CUX2: variants seen among roughly 807,000 people sequenced by gnomAD.
CUX2 encodes the protein homeobox protein cut-like 2.
In CUX2, 40 loss-of-function variants were observed where a neutral mutation model predicts 144.8. That is an observed-to-expected ratio of 0.28 (90% CI 0.21 to 0.36). The LOEUF is 0.36. Among genes scored for constraint, CUX2 ranks in the 10% least tolerant of loss-of-function variants. CUX2 has a pLI of 1.00. For synonymous variants in CUX2, 827 were observed against 875.6 expected (o/e 0.94, Z 0.98); for missense variants, 1,615 against 1,994.0 (o/e 0.81, Z 3.62).
chr12:111,206,324 CCTGT>C (rs1880917673), intron 1 of CUX2, among the ~76,000 whole-genome samples: 2 of 152,182 alleles, frequency 1.3e-5, no homozygotes, highest in South Asian at 4.1e-4. Context: ...AAAGCAAAAC[CCTGT>C]CTAAGAAAAA....
Position 111,034,671 on chromosome 12 carries a change from C to G in CUX2, c.63+431C>G, listed in dbSNP as rs552226008. On this transcript the variant is annotated intron_variant, in intron 1 of 21. Transcript: ENST00000261726. This position sits in a 1 kb window ranked among gnomAD's most constrained non-coding sequence, Gnocchi z 4.2. ...AGCGCGCCGCTTGCCAGTCCGCACC[C>G]GGCTGGGGCTCCGGCGAGGGAGGGA... 8.6e-5 allele frequency among the ~76,000 whole-genome samples: 13 copies of G among 151,548 alleles called. No homozygotes were observed. Among genetic ancestry groups the G allele is most frequent in the African/African-American group, 2.2e-4 (9 of 41,432 alleles).
At chr12:111,124,193 A>G (rs74903761) in intron 1 of CUX2, among the ~76,000 whole-genome samples, 5,665 of 152,250 alleles carry the variant, frequency 0.037, 361 homozygotes, top group African/African-American at 0.13. Flanking sequence ...TTGAAAATCG[A>G]TGGATGAAAG....
chr12:111,308,700 C>T (rs550174740), intron 14 of CUX2, among the ~76,000 whole-genome samples, 174 bp downstream of exon 14: 18 of 152,324 alleles, frequency 1.2e-4, no homozygotes, highest in Admixed American at 7.8e-4. Context: ...CATCCACAAA[C>T]ACCCACGTCA....
chr12:111,125,659 G>A (rs781724978), intron 1 of CUX2, among the ~76,000 whole-genome samples: 15 of 152,168 alleles, frequency 9.9e-5, no homozygotes, highest in Non-Finnish European at 2.2e-4. Context: ...CTAGGAATGT[G>A]GCTTGTTTTT....
At position 111,190,670 on chromosome 12, in the gene CUX2, G is replaced by C. The variant is rs1158825199; in HGVS notation, c.64-23530G>C. Among the ~76,000 whole-genome samples the C allele has an allele frequency of 1.3e-5, 2 of 152,202 alleles. No homozygotes were observed. The highest frequency in any genetic ancestry group is 2.9e-5 in the Non-Finnish European group (2 of 68,044). Reference sequence around the variant, plus strand: ...GTGGCCTAACAGAGACACACCTGAAGGTGGTTGGTCCCAGATGCGAGGAGC... The same window carrying C: ...GTGGCCTAACAGAGACACACCTGAACGTGGTTGGTCCCAGATGCGAGGAGC... On this transcript the variant is annotated intron_variant, in intron 1 of 21. Coordinates refer to ENST00000261726, the MANE Select transcript of CUX2 (RefSeq NM_015267.4). This position sits in a 1 kb window ranked among gnomAD's most constrained non-coding sequence, Gnocchi z 4.0.
chr12:111,168,980 T>C (rs1380394807), intron 1 of CUX2, among the ~76,000 whole-genome samples: 1 of 149,910 alleles, frequency 6.7e-6, no homozygotes, highest in East Asian at 2.0e-4. Flanking sequence ...TCACTACCCC[T>C]CCATCTCACC....
At chr12:111,249,692 G>C (rs774196509) in intron 3 of CUX2, among the ~76,000 whole-genome samples, 1 of 151,932 alleles carries the variant, frequency 6.6e-6, no homozygotes, top group Non-Finnish European at 1.5e-5. Context: ...CCTGACCTCA[G>C]GTGATCAGCC....
At chr12:111,185,324 T>C (rs1050518094) in intron 1 of CUX2, among the ~76,000 whole-genome samples, 4 of 152,198 alleles carry the variant, frequency 2.6e-5, no homozygotes, top group African/African-American at 9.6e-5. Context: ...AAAGAGAACC[T>C]GGATTCTTGA....
intron 9 of CUX2, among the ~76,000 whole-genome samples, chr12:111,301,038 CAAAAA>C (rs3061127): frequency 5.6e-5 from 6 of 106,546 alleles, no homozygotes; most frequent in African/African-American, 9.1e-5. Context: ...GACCCTATCT[CAAAAA>C]AAAAAAAAAA....
At chr12:111,181,330 G>A (rs1328387266) in intron 1 of CUX2, among the ~76,000 whole-genome samples, 2 of 152,254 alleles carry the variant, frequency 1.3e-5, no homozygotes, top group Non-Finnish European at 2.9e-5. Flanking sequence ...AGCAGCTGGC[G>A]GGAAGCCAAG....
rs1239347097 is a variant in CUX2, at chr12:111,320,596, G to A, written c.2587G>A (p.Ala863Thr). 3.3e-6 allele frequency: 5 copies of A among 1,533,030 alleles called. No individual in the cohort carries two copies. The highest frequency in any genetic ancestry group is 1.4e-5 in the African/African-American group (1 of 71,368). The allele number at this position is 1,533,030 out of a possible 1,614,324, so 95.0% of individuals were successfully genotyped here. ...TGAGGGCGCGACGGCCGAGGCGGGC[G>A]CGCGGCTGCCCTACTACCCGGCCTA... ...KAEGATAEAG[A>T]RLPYYPAYVP... The change falls in exon 17 of 22, where the codon GCG (alanine) becomes ACG (threonine). Residue 863 changes from alanine to threonine, a missense_variant. Coordinates refer to ENST00000261726, the MANE Select transcript of CUX2 (RefSeq NM_015267.4). This position sits in a 1 kb window ranked among gnomAD's most constrained non-coding sequence, Gnocchi z 8.1.
intron 1 of CUX2, among the ~76,000 whole-genome samples, chr12:111,091,422 C>A (rs1394790777): frequency 3.9e-5 from 6 of 152,162 alleles, no homozygotes; most frequent in African/African-American, 1.2e-4. Context: ...AGCGTTCACT[C>A]CTCCCTGTAC....
At chr12:111,081,008 C>G (rs923912299) in intron 1 of CUX2, among the ~76,000 whole-genome samples, 2 of 152,118 alleles carry the variant, frequency 1.3e-5, no homozygotes, top group Non-Finnish European at 2.9e-5. Flanking sequence ...TAAAATTATT[C>G]AATACATAGG....
chr12:111,313,128 C>G (rs1347335549), intron 16 of CUX2, among the ~76,000 whole-genome samples: 6 of 152,124 alleles, frequency 3.9e-5, no homozygotes, highest in Non-Finnish European at 8.8e-5. Flanking sequence ...GTGGCGCAGT[C>G]TCAGCTCACT....
intron 1 of CUX2, among the ~76,000 whole-genome samples, chr12:111,209,107 T>G (rs943759024): frequency 3.3e-5 from 5 of 152,182 alleles, no homozygotes; most frequent in African/African-American, 1.2e-4. Context: ...TCACAGGCAC[T>G]AGGAACGTGA....
chr12:111,174,468 G>T (rs1048593750), intron 1 of CUX2, among the ~76,000 whole-genome samples: 3 of 152,242 alleles, frequency 2.0e-5, no homozygotes, highest in Non-Finnish European at 4.4e-5. Flanking sequence ...GGGTAGGGCT[G>T]TGTGTGTCAT....
chr12:111,204,456 C>T (rs1880791614), intron 1 of CUX2, among the ~76,000 whole-genome samples: 1 of 152,304 alleles, frequency 6.6e-6, no homozygotes, highest in Non-Finnish European at 1.5e-5. Flanking sequence ...GGTGGATGGA[C>T]AGACAGATGG....
intron 1 of CUX2, among the ~76,000 whole-genome samples, chr12:111,100,882 C>T (rs1237161427): frequency 6.6e-6 from 1 of 152,152 alleles, no homozygotes; most frequent in Non-Finnish European, 1.5e-5. Flanking sequence ...GTAGAGCCCT[C>T]CCTGGGCAGC....
chr12:111,075,503 C>T (rs1871482668), intron 1 of CUX2, among the ~76,000 whole-genome samples: 2 of 151,998 alleles, frequency 1.3e-5, no homozygotes, highest in Admixed American at 6.6e-5. Flanking sequence ...GGGTGCCTTC[C>T]CCGGCAATGG....
Sources: gnomAD v4.1 joint callset for allele counts (sites outside exome capture counted in the v4.1 genomes callset) on GRCh38, gnomAD v4.1.1 for gene constraint, Gnocchi (gnomAD v3.1) non-coding constraint, MANE v1.5 for transcripts, NCBI Gene and HGNC (gene_info 2026-07-23, HGNC 2026-07-21) for gene names.